The following CACNA1E variants were observed in gnomAD, a reference collection of about 807,000 sequenced individuals.
CACNA1E encodes the protein calcium voltage-gated channel subunit alpha1 E.
A neutral mutation model predicts 259.2 loss-of-function variants in CACNA1E; 40 were observed. The observed-to-expected ratio is 0.15, with a 90% confidence interval of 0.12 to 0.20. The LOEUF is 0.20. Ranked by LOEUF, CACNA1E falls within the 10% of genes least tolerant of loss-of-function variation. CACNA1E has a pLI of 1.00. For missense variants in CACNA1E, 1,874 were observed against 3,040.1 expected (o/e 0.62, Z 9.02); for synonymous variants, 1,104 against 1,138.5 (o/e 0.97, Z 0.61).
chr1:181,710,901 C>G, intron 7 of CACNA1E, 53 bp from the exon 8 acceptor site: 1 of 1,253,202 alleles, frequency 8.0e-7, no homozygotes, highest in South Asian at 1.2e-5. Context: ...TCACTCTTTC[C>G]CTTAGTCATG....
At chr1:181,494,694 A>G (rs536420963) in intron 1 of CACNA1E, among the ~76,000 whole-genome samples, 12 of 152,338 alleles carry the variant, frequency 7.9e-5, no homozygotes, top group African/African-American at 2.6e-4. Context: ...AGCTTGAACA[A>G]GTGGTCCGAA....
intron 1 of CACNA1E, among the ~76,000 whole-genome samples, chr1:181,346,995 C>T (rs1297154913): frequency 1.3e-5 from 2 of 152,176 alleles, no homozygotes; most frequent in Non-Finnish European, 2.9e-5. Context: ...AGTAGGTGCT[C>T]AGTCACTGAC....
rs1655565168 is a variant in CACNA1E, at chr1:181,732,326, C to T, written c.2298-58C>T. On this transcript the variant is annotated intron_variant, in intron 19 of 47. Transcript: ENST00000367573. This position sits in a 1 kb window ranked among gnomAD's most constrained non-coding sequence, Gnocchi z 5.5. The stretch of plus-strand genomic sequence containing the variant: ...CCCTCTCACATGGCCCCTGTGGCCA[C>T]CCTCCCTGCCTGCAGCTTCTGGGCT... The T allele has an allele frequency of 2.8e-6, 4 of 1,454,456 alleles. No homozygotes were observed. Among genetic ancestry groups the T allele is most frequent in the Admixed American group, 2.8e-5 (1 of 35,182 alleles). 90.1% of individuals were successfully genotyped at this position (1,454,456 alleles called of 1,614,324 possible).
intron 32 of CACNA1E, 135 bp downstream of exon 32, chr1:181,759,003 A>G (rs1658339735): frequency 3.3e-6 from 2 of 608,262 alleles, no homozygotes; most frequent in South Asian, 2.1e-5. Flanking sequence ...TTGACTGCTC[A>G]GTAAACTGCC....
At chr1:181,389,309 C>T (rs1015086852) in intron 1 of CACNA1E, among the ~76,000 whole-genome samples, 2 of 152,196 alleles carry the variant, frequency 1.3e-5, no homozygotes, top group Admixed American at 1.3e-4. Flanking sequence ...AAATAGACCA[C>T]AAAAGGGGCC....
Position 181,803,275 on chromosome 1 carries a change from T to C in CACNA1E, c.*4441T>C, listed in dbSNP as rs1047713549. The C allele has an allele frequency of 4.1e-5, 5 of 122,748 alleles. No individual in the cohort carries two copies. The highest frequency in any genetic ancestry group is 8.0e-5 in the Non-Finnish European group (5 of 62,614). 7.6% of individuals were successfully genotyped at this position (122,748 alleles called of 1,614,324 possible). A position where few individuals can be genotyped will look rare whatever the true frequency, so the allele number is the denominator to read the frequency against. Reference sequence around the variant, plus strand: ...AAGGAAGAAGTGGGTCCCTTGCAAGTGGCCAGACAGGGAATGATGGTTTGA... The same window carrying C: ...AAGGAAGAAGTGGGTCCCTTGCAAGCGGCCAGACAGGGAATGATGGTTTGA... On this transcript the variant is annotated 3_prime_UTR_variant, in exon 48 of 48. Coordinates refer to ENST00000367573, the MANE Select transcript of CACNA1E (RefSeq NM_001205293.3).
intron 43 of CACNA1E, among the ~76,000 whole-genome samples, chr1:181,789,249 T>C (rs113066895): frequency 0.016 from 2,434 of 152,282 alleles, 54 homozygotes; most frequent in African/African-American, 0.051. Flanking sequence ...ATGACTGACA[T>C]TTAGGCAGGT....
chr1:181,700,564 CA>C (rs1372319879), intron 7 of CACNA1E, among the ~76,000 whole-genome samples: 2 of 152,186 alleles, frequency 1.3e-5, no homozygotes, highest in African/African-American at 2.4e-5. Context: ...AGAAATGAGA[CA>C]ATTCCAAGAA....
intron 2 of CACNA1E, among the ~76,000 whole-genome samples, chr1:181,473,992 T>TGTAA (rs1166270279): frequency 6.6e-6 from 1 of 152,224 alleles, no homozygotes; most frequent in African/African-American, 2.4e-5. Context: ...CCTTGCACAT[T>TGTAA]GTAAGTATTT....
chr1:181,720,191 G>T lies in CACNA1E; in HGVS notation c.1752-15G>T. 8 of 1,613,918 alleles carry T rather than the reference G, an allele frequency of 5.0e-6. No individual in the cohort carries two copies. Among genetic ancestry groups the T allele is most frequent in the African/African-American group, 1.3e-5 (1 of 75,056 alleles). The stretch of plus-strand genomic sequence containing the variant: ...ATGCAGTGTTCACAGCTGTCACATT[G>T]TCTGGGTTTTGTAGGTATTGGGCTT... On this transcript the variant is annotated splice_polypyrimidine_tract_variant and intron_variant, in intron 13 of 47. Coordinates refer to ENST00000367573, the MANE Select transcript of CACNA1E (RefSeq NM_001205293.3).
chr1:181,788,307 G>A (rs1661015262), intron 43 of CACNA1E, among the ~76,000 whole-genome samples: 1 of 152,192 alleles, frequency 6.6e-6, no homozygotes, highest in South Asian at 2.1e-4. Flanking sequence ...CAGCAGGCTG[G>A]TTCCTCAGAA....
intron 2 of CACNA1E, among the ~76,000 whole-genome samples, chr1:181,436,803 A>G (rs1234689): frequency 0.62 from 94,395 of 151,958 alleles, 30,521 homozygotes; most frequent in African/African-American, 0.8. Flanking sequence ...ACAGCATGTT[A>G]CTATAGTTAA....
At chr1:181,438,321 T>C (rs978967759) in intron 2 of CACNA1E, among the ~76,000 whole-genome samples, 2 of 152,200 alleles carry the variant, frequency 1.3e-5, no homozygotes, top group African/African-American at 2.4e-5. Flanking sequence ...GCAAAAGTAT[T>C]CTCTCTACTT....
At chr1:181,616,991 A>C (rs1655278462) in intron 6 of CACNA1E, among the ~76,000 whole-genome samples, 1 of 152,166 alleles carries the variant, frequency 6.6e-6, no homozygotes, top group Non-Finnish European at 1.5e-5. Context: ...TATCTTTTAA[A>C]ACATTCATAG....
chr1:181,733,896 G>C (rs1655779168), intron 21 of CACNA1E, 146 bp downstream of exon 21: 1 of 588,292 alleles, frequency 1.7e-6, no homozygotes. Context: ...TTTTCTCCCA[G>C]TGTGCAGAAC....
intron 3 of CACNA1E, among the ~76,000 whole-genome samples, chr1:181,563,955 G>GA (rs1442187234): frequency 6.6e-6 from 1 of 152,140 alleles, no homozygotes; most frequent in East Asian, 1.9e-4. Context: ...AGCATTATGT[G>GA]AAAAACAATG....
chr1:181,787,151 G>A (rs1660915893), intron 43 of CACNA1E, among the ~76,000 whole-genome samples: 1 of 151,914 alleles, frequency 6.6e-6, no homozygotes, highest in African/African-American at 2.4e-5. Flanking sequence ...ACGGAGTCTC[G>A]CTCTGTTGCC....
At chr1:181,539,049 G>A (rs941077335) in intron 3 of CACNA1E, among the ~76,000 whole-genome samples, 2 of 152,138 alleles carry the variant, frequency 1.3e-5, no homozygotes, top group African/African-American at 4.8e-5. Flanking sequence ...TCCTTGAATT[G>A]TGTGCTATTT....
chr1:181,621,011 A>C (rs1346113149), intron 6 of CACNA1E, among the ~76,000 whole-genome samples: 1 of 152,218 alleles, frequency 6.6e-6, no homozygotes, highest in Non-Finnish European at 1.5e-5. Flanking sequence ...AAACAAGGAG[A>C]TAGAGTTACA....
Sources: allele counts gnomAD v4.1 joint callset (sites outside exome capture counted in the v4.1 genomes callset), GRCh38; gene constraint gnomAD v4.1.1; non-coding constraint Gnocchi (gnomAD v3.1); transcripts MANE v1.5; gene names NCBI Gene and HGNC (gene_info 2026-07-23, HGNC 2026-07-21).